Variants in PTK2 observed in about 807,000 individuals in gnomAD.
PTK2 encodes the protein protein tyrosine kinase 2, also known as focal adhesion kinase 1.
In PTK2, 45 loss-of-function variants were observed where a neutral mutation model predicts 150.1. The ratio of observed to expected loss-of-function variants is 0.30; its 90% confidence interval spans 0.24 to 0.38. The LOEUF is 0.38. Among genes scored for constraint, PTK2 ranks in the 10% least tolerant of loss-of-function variants. The pLI is 1.00. For missense variants in PTK2, 919 were observed against 1,307.3 expected (o/e 0.70, Z 4.58); for synonymous variants, 432 against 449.2 (o/e 0.96, Z 0.48).
chr8:140,833,020 G>T, intron 7 of PTK2: 1 of 518,942 alleles, frequency 1.9e-6, no homozygotes, highest in Non-Finnish European at 3.8e-6. Flanking sequence ...CATAACTAAA[G>T]AACTTACCAT....
intron 22 of PTK2, among the ~76,000 whole-genome samples, chr8:140,723,540 A>C (rs1184976677): frequency 6.6e-6 from 1 of 152,250 alleles, no homozygotes; most frequent in African/African-American, 2.4e-5. Context: ...TGAAGAATCC[A>C]CAGTAACAAA....
chr8:140,937,782 C>T (rs1247582008), intron 1 of PTK2, among the ~76,000 whole-genome samples: 1 of 152,008 alleles, frequency 6.6e-6, no homozygotes, highest in Admixed American at 6.6e-5. Context: ...GTAATCTTTC[C>T]ATATAGAATA....
chr8:140,861,407 T>A (rs935282684), intron 5 of PTK2, among the ~76,000 whole-genome samples: 4 of 152,096 alleles, frequency 2.6e-5, no homozygotes, highest in Non-Finnish European at 1.5e-5. Flanking sequence ...TTTAACAGAT[T>A]TTTAAAAATT....
At chr8:140,831,832 G>C (rs1182465414) in intron 7 of PTK2, among the ~76,000 whole-genome samples, 1 of 152,108 alleles carries the variant, frequency 6.6e-6, no homozygotes, top group Non-Finnish European at 1.5e-5. Flanking sequence ...TGGATATGAA[G>C]GGGGGAAAAG....
chr8:140,746,498 C>T, intron 18 of PTK2: 1 of 321,240 alleles, frequency 3.1e-6, no homozygotes, highest in East Asian at 5.1e-5. Context: ...TAAAACCAAA[C>T]ATTTGGCCAT....
intron 23 of PTK2, 107 bp downstream of exon 26, chr8:140,717,491 A>C: frequency 2.4e-6 from 2 of 842,740 alleles, no homozygotes; most frequent in Non-Finnish European, 4.0e-6. Flanking sequence ...TATTACTCTT[A>C]GAATAACCTG....
chr8:140,945,775 C>G (rs756418802), intron 1 of PTK2, among the ~76,000 whole-genome samples: 8 of 152,128 alleles, frequency 5.3e-5, no homozygotes, highest in Non-Finnish European at 1.2e-4. Context: ...TAACACAACA[C>G]AGGCTTTTCA....
At chr8:140,879,952 CACTGTCATCACCCCCCAACCTGTCAA>C in intron 3 of PTK2, among the ~76,000 whole-genome samples, 1 of 152,158 alleles carries the variant, frequency 6.6e-6, no homozygotes, top group East Asian at 1.9e-4. Context: ...TCTGCAATTC[CACTGTCATCACCCCCCAACCTGTCAA>C]AGCACACCAG....
In PTK2 at chr8:140,682,840, C is replaced by T. The variant is rs1298659483; in HGVS notation, c.2562+3792G>A. Among the ~76,000 whole-genome samples the T allele has an allele frequency of 1.8e-4, 28 of 152,090 alleles. 1 individual carries two copies. The highest frequency in any genetic ancestry group is 1.8e-3 in the Admixed American group (27 of 15,268). On this transcript the variant is annotated intron_variant, in intron 27 of 31. Transcript: ENST00000522684. ...ATACAACACACTAGAATCTCTTGAA[C>T]ACAGCTAAGGCAGTGTTAAGAAGAA...
rs1294613160 is a variant in PTK2, at chr8:140,989,214, A to T, written c.-122+11911T>A. Reference sequence around the variant, plus strand: ...GCAACATAGGAAGACCCTGTCTCTAAAAAAAAAAAAAAAAAAAAAAAAAAA... The same window carrying T: ...GCAACATAGGAAGACCCTGTCTCTATAAAAAAAAAAAAAAAAAAAAAAAAA... On this transcript the variant is annotated intron_variant, in intron 1 of 31. Coordinates refer to ENST00000522684, the Ensembl canonical transcript of PTK2. 9.5e-4 allele frequency among the ~76,000 whole-genome samples: 50 copies of T among 52,794 alleles called. 1 individual carries two copies. The highest frequency in any genetic ancestry group is 2.0e-3 in the African/African-American group (44 of 22,082). The allele number at this position is 52,794 out of a possible 152,430, so 34.6% of individuals were successfully genotyped here.
intron 4 of PTK2, chr8:140,879,015 T>A (rs2100147320): frequency 6.6e-6 from 1 of 152,254 alleles, no homozygotes; most frequent in Non-Finnish European, 1.5e-5. Flanking sequence ...ACACTCACTC[T>A]TTGTAGGTGC....
intron 12 of PTK2, among the ~76,000 whole-genome samples, chr8:140,793,990 T>G (rs1224844891): frequency 6.6e-6 from 1 of 152,196 alleles, no homozygotes; most frequent in Non-Finnish European, 1.5e-5. Context: ...CTGACCACAG[T>G]GAAGCTGAGG....
At chr8:140,980,404 C>T (rs1159335123) in intron 1 of PTK2, among the ~76,000 whole-genome samples, 2 of 152,070 alleles carry the variant, frequency 1.3e-5, no homozygotes, top group South Asian at 2.1e-4. Context: ...GATTGGATCA[C>T]GAGGTCAGGA....
At chr8:140,863,516 A>G (rs1438051945) in intron 5 of PTK2, among the ~76,000 whole-genome samples, 1 of 152,216 alleles carries the variant, frequency 6.6e-6, no homozygotes, top group Admixed American at 6.5e-5. Flanking sequence ...TTTAGCTAAG[A>G]CTGCACCACA....
chr8:140,715,173 T>G (rs905841167), intron 23 of PTK2, among the ~76,000 whole-genome samples: 64 of 128,388 alleles, frequency 5.0e-4, no homozygotes, highest in Middle Eastern at 3.7e-3. Context: ...TTTTTTTTTT[T>G]TTTTTTTTTT....
intron 21 of PTK2, among the ~76,000 whole-genome samples, chr8:140,736,126 A>C (rs2100052462): frequency 1.3e-5 from 2 of 152,252 alleles, no homozygotes; most frequent in African/African-American, 4.8e-5. Context: ...ATAATCCTTA[A>C]AAATTCACCT....
At chr8:140,880,728 A>T (rs1373949321) in intron 3 of PTK2, among the ~76,000 whole-genome samples, 2 of 152,218 alleles carry the variant, frequency 1.3e-5, no homozygotes, top group Non-Finnish European at 2.9e-5. Context: ...GCTGATCATG[A>T]TAAAGGATAT....
At position 140,789,656 on chromosome 8, in the gene PTK2, G is replaced by T. The variant is rs1223525334; in HGVS notation, c.1125-130C>A. The stretch of plus-strand genomic sequence containing the variant: ...TAGATACGTGATTTCTTTAAAAATT[G>T]GATTCTACTATTAAAATAGCCAGGC... On this transcript the variant is annotated intron_variant, in intron 13 of 31. Coordinates refer to ENST00000522684, the Ensembl canonical transcript of PTK2. 1.1e-5 allele frequency: 8 copies of T among 760,402 alleles called. No homozygotes were observed. In the East Asian group the frequency reaches 1.6e-4, roughly 15 times the overall value. The allele number at this position is 760,402 out of a possible 1,614,324, so 47.1% of individuals were successfully genotyped here.
intron 26 of PTK2, among the ~76,000 whole-genome samples, chr8:140,700,314 T>C (rs2154072999): frequency 6.6e-6 from 1 of 152,200 alleles, no homozygotes; most frequent in South Asian, 2.1e-4. Flanking sequence ...ACTACAGGTG[T>C]GAGCCACAAT....
Sources: gnomAD v4.1 joint callset for allele counts (sites outside exome capture counted in the v4.1 genomes callset) on GRCh38, gnomAD v4.1.1 for gene constraint, MANE v1.5 for transcripts, NCBI Gene and HGNC (gene_info 2026-07-23, HGNC 2026-07-21) for gene names.